The following PEX13 variants were observed in gnomAD, a reference collection of about 807,000 sequenced individuals.
PEX13 encodes peroxisomal biogenesis factor 13, also known as peroxisome biogenesis factor 13.
Under a neutral mutation model 34.5 loss-of-function variants are expected in PEX13, and 28 were observed. That is an observed-to-expected ratio of 0.81 (90% confidence interval 0.60 to 1.11). The LOEUF (loss-of-function observed/expected upper bound fraction) is 1.11, where lower values mean the gene tolerates loss of function less well. Ranked by LOEUF, PEX13 falls within the 50% of genes most tolerant of loss-of-function variation. The pLI, the probability that PEX13 is intolerant of heterozygous loss-of-function variation, is 0.00. For synonymous variants in PEX13, 177 were observed against 175.1 expected (o/e 1.01, Z -0.09); for missense variants, 550 against 491.0 (o/e 1.12, Z -1.13).
At chr2:61,018,309 C>G in intron 1 of PEX13, 3 of 1,548,926 alleles carry the variant, frequency 1.9e-6, no homozygotes, top group Non-Finnish European at 2.6e-6. Context: ...AGGTTTTACG[C>G]AACAGGAACT....
intron 1 of PEX13, among the ~76,000 whole-genome samples, chr2:61,030,948 G>T (rs1303007707): frequency 1.3e-5 from 2 of 152,094 alleles, no homozygotes; most frequent in African/African-American, 4.8e-5. Context: ...TAGACATGGT[G>T]ATAGTTACAC....
In PEX13 at chr2:61,048,518, C is replaced by A; in HGVS notation, c.960C>A (p.Gly320=). 6.2e-7 allele frequency: 1 copy of A among 1,613,928 alleles called. No homozygotes were observed. Among genetic ancestry groups the A allele is most frequent in the South Asian group, 1.1e-5 (1 of 91,078 alleles). Residue 320 remains glycine (G), a synonymous_variant, in exon 4 of 4, where the codon GGC becomes GGA. Coordinates refer to ENST00000295030, the MANE Select transcript of PEX13 (RefSeq NM_002618.4). ...VRGWLLASLD[G]QTTGLIPANY... is the part of the protein sequence containing the mutation. Reference sequence around the variant, plus strand: ...GTTGGCTTCTGGCTAGCCTTGATGGCCAAACAACAGGACTTATACCTGCGA... The same window carrying A: ...GTTGGCTTCTGGCTAGCCTTGATGGACAAACAACAGGACTTATACCTGCGA...
At chr2:61,034,390 G>A (rs1337004487) in intron 2 of PEX13, among the ~76,000 whole-genome samples, 4 of 152,214 alleles carry the variant, frequency 2.6e-5, no homozygotes, top group South Asian at 2.1e-4. Context: ...CAGCAAGATC[G>A]ACGCAGAAGG....
chr2:61,032,815 A>G (rs960638594), intron 2 of PEX13, among the ~76,000 whole-genome samples: 10 of 152,226 alleles, frequency 6.6e-5, no homozygotes, highest in Admixed American at 5.9e-4. Context: ...CAACCTTTCA[A>G]AAGTTAGATA....
At position 61,048,414 on chromosome 2, in the gene PEX13, A is replaced by G. The variant is rs117122490; in HGVS notation, c.914-58A>G. On this transcript the variant is annotated intron_variant, in intron 3 of 3. Coordinates refer to ENST00000295030, the MANE Select transcript of PEX13 (RefSeq NM_002618.4). ...CTGAATGTGATATTTTACCATTACTATTCTGTTGGACCTCCAAAGTATATT... is the reference window on the plus strand; with the variant it reads ...CTGAATGTGATATTTTACCATTACTGTTCTGTTGGACCTCCAAAGTATATT... The G allele has an allele frequency of 1.1e-3, 1,502 of 1,384,302 alleles. 34 individuals carry two copies. In the East Asian group the frequency reaches 0.028, roughly 26 times the overall value. 85.8% of individuals were successfully genotyped at this position (1,384,302 alleles called of 1,614,324 possible).
chr2:61,018,020 T>G, intron 1 of PEX13, 169 bp downstream of exon 1: 1 of 1,390,032 alleles, frequency 7.2e-7, no homozygotes, highest in East Asian at 2.5e-5. Flanking sequence ...GTGGGGACTT[T>G]AGTGTCTCAC....
In PEX13 at chr2:61,048,890, T is replaced by C; in HGVS notation, c.*120T>C. The stretch of plus-strand genomic sequence containing the variant: ...TTTGTTATTGGCTATTTCAGGTGTT[T>C]TGCTGCTAGAAATTATTAAAGTTAC... On this transcript the variant is annotated 3_prime_UTR_variant, in exon 4 of 4. Coordinates refer to ENST00000295030, the MANE Select transcript of PEX13 (RefSeq NM_002618.4). 1 of 865,074 alleles carries C rather than the reference T, an allele frequency of 1.2e-6. No individual in the cohort carries two copies. The highest frequency in any genetic ancestry group is 1.8e-6 in the Non-Finnish European group (1 of 545,340). The allele number at this position is 865,074 out of a possible 1,614,324, so 53.6% of individuals were successfully genotyped here. A position where few individuals can be genotyped will look rare whatever the true frequency, so the allele number is the denominator to read the frequency against.
Position 61,050,616 on chromosome 2 carries a change from A to AT in PEX13, c.*1852dup, listed in dbSNP as rs1680781190. ...TGTTTGATAAAAATTGTGATTTAGTATTTTTTCTTTTGTCTTTTTTTGAAA... is the reference window on the plus strand; with the variant it reads ...TGTTTGATAAAAATTGTGATTTAGTATTTTTTTCTTTTGTCTTTTTTTGAAA... On this transcript the variant is annotated 3_prime_UTR_variant, in exon 4 of 4. Coordinates refer to ENST00000295030, the MANE Select transcript of PEX13 (RefSeq NM_002618.4). The AT allele has an allele frequency of 6.6e-6, 1 of 152,062 alleles. No individual in the cohort carries two copies. Among genetic ancestry groups the AT allele is most frequent in the African/African-American group, 2.4e-5 (1 of 41,354 alleles). 9.4% of individuals were successfully genotyped at this position (152,062 alleles called of 1,614,324 possible).
chr2:61,022,291 A>G (rs1398494109), intron 1 of PEX13, among the ~76,000 whole-genome samples: 1 of 152,252 alleles, frequency 6.6e-6, no homozygotes, highest in East Asian at 1.9e-4. Flanking sequence ...AAAAAAGGTT[A>G]GATGAATGGC....
Position 61,017,813 on chromosome 2 carries a change from G to A in PEX13, c.54G>A (p.Pro18=), listed in dbSNP as rs1002699754. ...PPKPWETRRI[P]GAGPGPGPGP... ...AACCCTGGGAGACCCGCCGAATTCC[G>A]GGAGCCGGACCGGGACCAGGACCGG... The change falls in exon 1 of 4, where the codon CCG becomes CCA. Residue 18 remains proline (P), a synonymous_variant. Coordinates refer to ENST00000295030, the MANE Select transcript of PEX13 (RefSeq NM_002618.4). 2.6e-6 allele frequency: 4 copies of A among 1,550,448 alleles called. No homozygotes were observed. In the Admixed American group the frequency reaches 5.9e-5, roughly 23 times the overall value.
chr2:61,023,152 A>G (rs1680292107), intron 1 of PEX13, among the ~76,000 whole-genome samples: 1 of 151,818 alleles, frequency 6.6e-6, no homozygotes, highest in Non-Finnish European at 1.5e-5. Flanking sequence ...CTACAGGTGC[A>G]TGCCACCATG....
In PEX13 at chr2:61,031,708, G is replaced by C. The variant is rs1680453602; in HGVS notation, c.382G>C (p.Gly128Arg). 4.3e-6 allele frequency: 7 copies of C among 1,614,000 alleles called. No homozygotes were observed. Among genetic ancestry groups the C allele is most frequent in the Non-Finnish European group, 5.9e-6 (7 of 1,180,038 alleles). Residue 128 changes from glycine to arginine, a missense_variant, in exon 2 of 4, where the codon GGT (glycine) becomes CGT (arginine). By Grantham distance (125) the Gly-to-Arg change is moderately radical. Coordinates refer to ENST00000295030, the MANE Select transcript of PEX13 (RefSeq NM_002618.4). ...TCAGCAAGCTGAAGAAAGCAGCAGG[G>C]GTGCATTTCAGTCCATTGAAAGTAT... ...FVQQAEESSR[G>R]AFQSIESIVH...
chr2:61,020,683 C>A (rs545867113), intron 1 of PEX13, among the ~76,000 whole-genome samples: 1 of 151,904 alleles, frequency 6.6e-6, no homozygotes, highest in Non-Finnish European at 1.5e-5. Context: ...GAGATGGAGT[C>A]TCACTGTGTC....
chr2:61,044,975 T>C (rs572825620), intron 2 of PEX13, among the ~76,000 whole-genome samples: 1 of 152,344 alleles, frequency 6.6e-6, no homozygotes, highest in East Asian at 1.9e-4. Flanking sequence ...AAAATCCATT[T>C]AACTATGCAA....
chr2:61,028,589 G>A (rs1265742610), intron 1 of PEX13, among the ~76,000 whole-genome samples: 1 of 151,556 alleles, frequency 6.6e-6, no homozygotes, highest in Non-Finnish European at 1.5e-5. Context: ...GTTTCACCAT[G>A]TTGGCCAGGC....
At chr2:61,033,880 G>A (rs1033095239) in intron 2 of PEX13, among the ~76,000 whole-genome samples, 1 of 152,198 alleles carries the variant, frequency 6.6e-6, no homozygotes, top group Admixed American at 6.5e-5. Flanking sequence ...GATGGTATAA[G>A]TTGTAGACAT....
At chr2:61,046,751 C>T (rs959164637) in intron 3 of PEX13, among the ~76,000 whole-genome samples, 8 of 152,160 alleles carry the variant, frequency 5.3e-5, no homozygotes, top group African/African-American at 1.9e-4. Flanking sequence ...AGACCTTGTG[C>T]TTTTAACAAC....
In PEX13 at chr2:61,035,840, G is replaced by A. The variant is rs182635642; in HGVS notation, c.787+3727G>A. Among the ~76,000 whole-genome samples the A allele has an allele frequency of 3.0e-4, 46 of 152,114 alleles. No individual in the cohort carries two copies. In the East Asian group the frequency reaches 7.7e-3, roughly 26 times the overall value. ...CTCTACTAAAAATACAAAATTAGCC[G>A]GGCGTGTTGGCACATGCCTGTAATC... On this transcript the variant is annotated intron_variant, in intron 2 of 3. Coordinates refer to ENST00000295030, the MANE Select transcript of PEX13 (RefSeq NM_002618.4).
Position 61,018,088 on chromosome 2 carries a change from G to A in PEX13, c.92+237G>A, listed in dbSNP as rs1680134306. ...ACGTTTTTTTCGGGAGCTCCTGGGC[G>A]TCTCTCTGGGTCTCTGTGCTTGAAA... is the stretch of plus-strand genomic sequence containing the variant. On this transcript the variant is annotated intron_variant, in intron 1 of 3. Transcript: ENST00000295030. The A allele has an allele frequency of 3.9e-6, 6 of 1,521,636 alleles. No individual in the cohort carries two copies. The South Asian group carries it at 6.2e-5, about 16-fold the overall frequency. 94.3% of individuals were successfully genotyped at this position (1,521,636 alleles called of 1,614,324 possible).
Sources: allele counts gnomAD v4.1 joint callset (sites outside exome capture counted in the v4.1 genomes callset), GRCh38; gene constraint gnomAD v4.1.1; transcripts MANE v1.5; gene names NCBI Gene and HGNC (gene_info 2026-07-23, HGNC 2026-07-21).